The following MITF variants were observed in gnomAD, a reference collection of about 807,000 sequenced individuals.
MITF encodes the protein melanocyte inducing transcription factor, also known as microphthalmia-associated transcription factor.
A neutral mutation model predicts 60.5 loss-of-function variants in MITF; 17 were observed. That is an observed-to-expected ratio of 0.28 (90% confidence interval 0.19 to 0.42). MITF has a LOEUF of 0.42. MITF is among the 10% of genes least tolerant of loss of function. MITF has a pLI of 1.00. For synonymous variants in MITF, 260 were observed against 248.5 expected (o/e 1.05, Z -0.43); for missense variants, 622 against 683.5 (o/e 0.91, Z 1.00).
chr3:69,823,923 C>CTAAA (rs2063315975), intron 1 of MITF, among the ~76,000 whole-genome samples: 1 of 152,158 alleles, frequency 6.6e-6, no homozygotes, highest in South Asian at 2.1e-4. Context: ...AGAGCTTAGA[C>CTAAA]TAAAGGCCAC....
At chr3:69,931,252 A>C (rs2065716476) in intron 2 of MITF, among the ~76,000 whole-genome samples, 2 of 152,170 alleles carry the variant, frequency 1.3e-5, no homozygotes, top group African/African-American at 4.8e-5. Flanking sequence ...ATCCACTCAT[A>C]ATGTCTTATA....
At chr3:69,744,547 G>A (rs1187620154) in intron 1 of MITF, among the ~76,000 whole-genome samples, 1 of 152,180 alleles carries the variant, frequency 6.6e-6, no homozygotes, top group Non-Finnish European at 1.5e-5. Flanking sequence ...TGTGGGAAAA[G>A]TATTAGCATG....
chr3:69,855,717 A>G (rs1005462932), intron 1 of MITF, among the ~76,000 whole-genome samples: 1 of 152,172 alleles, frequency 6.6e-6, no homozygotes, highest in Non-Finnish European at 1.5e-5. Context: ...GATAACAACC[A>G]AAACAAAAAT....
rs116415068 is a variant in MITF at position 69,884,514 on chromosome 3, G to A, written c.354+5131G>A. 9.4e-3 allele frequency among the ~76,000 whole-genome samples: 1,437 copies of A among 152,244 alleles called. 10 individuals are homozygous for A. Among genetic ancestry groups the A allele is most frequent in the Non-Finnish European group, 0.014 (927 of 68,002 alleles). On this transcript the variant is annotated intron_variant, in intron 2 of 9. Coordinates refer to ENST00000352241, the MANE Select transcript of MITF (RefSeq NM_001354604.2). Reference sequence around the variant, plus strand: ...GGACTTCTCACCCTGTGTCTTGAGAGCAGTTTAATTGGTTCAATGTGTAAG... The same window carrying A: ...GGACTTCTCACCCTGTGTCTTGAGAACAGTTTAATTGGTTCAATGTGTAAG...
chr3:69,839,709 T>A (rs1020095986), intron 1 of MITF, among the ~76,000 whole-genome samples: 2 of 152,004 alleles, frequency 1.3e-5, no homozygotes, highest in Non-Finnish European at 2.9e-5. Context: ...GAACCGACTT[T>A]CCATTCATTA....
chr3:69,832,880 G>T (rs2063472930), intron 1 of MITF, among the ~76,000 whole-genome samples: 1 of 151,802 alleles, frequency 6.6e-6, no homozygotes, highest in African/African-American at 2.4e-5. Flanking sequence ...GTATGTGATT[G>T]TTTGCCTAGT....
chr3:69,874,988 A>G (rs975073109), intron 1 of MITF, among the ~76,000 whole-genome samples: 1 of 152,196 alleles, frequency 6.6e-6, no homozygotes, highest in African/African-American at 2.4e-5. Flanking sequence ...CTCAGGTCAC[A>G]TTTGGTGGCC....
chr3:69,817,914 C>T (rs1441343793), intron 1 of MITF, among the ~76,000 whole-genome samples: 1 of 152,124 alleles, frequency 6.6e-6, no homozygotes, highest in Non-Finnish European at 1.5e-5. Context: ...TTGTGTCTTA[C>T]TCTGGGACAA....
At chr3:69,811,008 A>T (rs573947311) in intron 1 of MITF, among the ~76,000 whole-genome samples, 30 of 152,318 alleles carry the variant, frequency 2.0e-4, no homozygotes, top group African/African-American at 7.0e-4. Context: ...GATGTTGAAG[A>T]AGTTCTGTAG....
At chr3:69,869,994 C>T (rs569825320) in intron 1 of MITF, among the ~76,000 whole-genome samples, 1 of 152,098 alleles carries the variant, frequency 6.6e-6, no homozygotes, top group East Asian at 1.9e-4. Context: ...AAAACAGTTT[C>T]GGTGGTGTTC....
At chr3:69,934,852 T>C (rs983070106) in intron 2 of MITF, among the ~76,000 whole-genome samples, 3 of 152,216 alleles carry the variant, frequency 2.0e-5, no homozygotes, top group Non-Finnish European at 4.4e-5. Context: ...TTCTAGTAGT[T>C]TGTGGGCCGA....
intron 2 of MITF, among the ~76,000 whole-genome samples, chr3:69,923,418 C>T (rs762953162): frequency 7.9e-5 from 12 of 152,196 alleles, no homozygotes; most frequent in Non-Finnish European, 1.8e-4. Context: ...GATCTTGGCT[C>T]ATTGCAACCT....
At chr3:69,957,887 A>T (rs942982326) in intron 8 of MITF, among the ~76,000 whole-genome samples, 7 of 152,202 alleles carry the variant, frequency 4.6e-5, no homozygotes, top group African/African-American at 1.7e-4. Context: ...TTCCCACACC[A>T]GGTTTCTAGA....
chr3:69,760,465 G>A (rs1156938536), intron 1 of MITF, among the ~76,000 whole-genome samples: 2 of 152,202 alleles, frequency 1.3e-5, no homozygotes, highest in Non-Finnish European at 2.9e-5. Flanking sequence ...CCATAGACAT[G>A]CACCCAGAGT....
At chr3:69,743,194 A>G (rs77954222) in intron 1 of MITF, among the ~76,000 whole-genome samples, 1,744 of 152,310 alleles carry the variant, frequency 0.011, 36 homozygotes, top group African/African-American at 0.039. Context: ...GCCTCTATCA[A>G]TTATGGCAAC....
intron 1 of MITF, among the ~76,000 whole-genome samples, chr3:69,824,402 G>C (rs1238642090): frequency 1.3e-5 from 2 of 152,106 alleles, no homozygotes; most frequent in Non-Finnish European, 2.9e-5. Flanking sequence ...CTTCCTCTAG[G>C]TTCTATGATG....
At chr3:69,888,775 A>T (rs1481955277) in intron 2 of MITF, among the ~76,000 whole-genome samples, 1 of 152,064 alleles carries the variant, frequency 6.6e-6, no homozygotes, top group Admixed American at 6.6e-5. Flanking sequence ...ACAAATTCTG[A>T]AGGGCCATCT....
chr3:69,861,021 T>C (rs1211875097), intron 1 of MITF, among the ~76,000 whole-genome samples: 2 of 152,242 alleles, frequency 1.3e-5, no homozygotes, highest in Admixed American at 1.3e-4. Flanking sequence ...TCTTCAGTCA[T>C]GCTGTGATGG....
intron 2 of MITF, among the ~76,000 whole-genome samples, chr3:69,927,463 C>T (rs556282234): frequency 8.2e-4 from 125 of 151,994 alleles, no homozygotes; most frequent in Non-Finnish European, 8.2e-4. Context: ...GTGCAGCAAA[C>T]CGCCATGGCA....
Sources: allele counts gnomAD v4.1 joint callset (sites outside exome capture counted in the v4.1 genomes callset), GRCh38; gene constraint gnomAD v4.1.1; transcripts MANE v1.5; gene names NCBI Gene and HGNC (gene_info 2026-07-23, HGNC 2026-07-21).